The following UTRN variants were observed in gnomAD, a reference collection of about 807,000 sequenced individuals.
UTRN encodes the protein utrophin, also known as dystrophin-related protein 1.
Under a neutral mutation model 463.9 loss-of-function variants are expected in UTRN, and 283 were observed. That is an observed-to-expected ratio of 0.61 (90% CI 0.55 to 0.67). UTRN has a LOEUF of 0.67. UTRN is among the 30% of genes least tolerant of loss of function. The pLI, the probability that UTRN is intolerant of heterozygous loss-of-function variation, is 0.00. For missense variants in UTRN, 3,922 were observed against 4,084.3 expected, an observed-to-expected ratio of 0.96 and a Z score of 1.08; for synonymous variants, 1,442 against 1,431.5, an observed-to-expected ratio of 1.01 and a Z score of -0.17.
At chr6:144,363,194 G>C (rs1350275598) in intron 2 of UTRN, among the ~76,000 whole-genome samples, 2 of 152,158 alleles carry the variant, frequency 1.3e-5, no homozygotes, top group African/African-American at 4.8e-5. Context: ...TTACAGAACT[G>C]TATTATTTGC....
At position 144,782,029 on chromosome 6, in the gene UTRN, A is replaced by T. The variant is rs1406060805; in HGVS notation, c.8740A>T (p.Thr2914Ser). The part of the protein sequence containing the change: ...VPDVINCLTT[T>S]YDGLEQMHKD... The stretch of plus-strand genomic sequence containing the variant: ...AGATGTCATCAACTGTCTGACAACA[A>T]CTTATGATGGACTTGAGCAAATGCA... Residue 2914 changes from threonine to serine, a missense_variant, in exon 61 of 75, where the codon ACT becomes TCT. This residue lies in a region of UTRN where 1,309 missense variants were observed against 1,452.6 expected (regional missense o/e 0.90). Coordinates refer to ENST00000367545, the MANE Select transcript of UTRN (RefSeq NM_007124.3). 2.5e-6 allele frequency: 4 copies of T among 1,614,070 alleles called. No individual in the cohort carries two copies. Among genetic ancestry groups the T allele is most frequent in the Non-Finnish European group, 1.7e-6 (2 of 1,179,976 alleles).
intron 57 of UTRN, among the ~76,000 whole-genome samples, chr6:144,757,236 TAAA>T (rs375711274): frequency 6.1e-5 from 7 of 115,534 alleles, no homozygotes; most frequent in Admixed American, 8.9e-5. Flanking sequence ...ACTAGAATTG[TAAA>T]AAAAAAAAAA....
chr6:144,782,217 C>T, intron 61 of UTRN, 94 bp downstream of exon 61: 1 of 1,076,674 alleles, frequency 9.3e-7, no homozygotes, highest in Non-Finnish European at 1.3e-6. Flanking sequence ...TTAATAAGTG[C>T]TTTCAAATTA....
intron 52 of UTRN, among the ~76,000 whole-genome samples, chr6:144,683,945 GA>G (rs1487124834): frequency 2.0e-5 from 3 of 151,900 alleles, no homozygotes; most frequent in Non-Finnish European, 4.4e-5. Flanking sequence ...CCTTAGAAGT[GA>G]ATGCATCCAT....
chr6:144,613,525 C>T (rs1263671186), intron 51 of UTRN, among the ~76,000 whole-genome samples: 2 of 151,978 alleles, frequency 1.3e-5, no homozygotes, highest in Non-Finnish European at 1.5e-5. Context: ...AAAACAAAAA[C>T]ACTAAATGCA....
At chr6:144,491,299 A>C (rs952361378) in intron 32 of UTRN, among the ~76,000 whole-genome samples, 197 bp downstream of exon 32, 3 of 152,052 alleles carry the variant, frequency 2.0e-5, no homozygotes, top group African/African-American at 7.3e-5. Flanking sequence ...GATAAGAGAG[A>C]TAGCTAAGGA....
At chr6:144,575,930 T>C (rs1210316819) in intron 50 of UTRN, among the ~76,000 whole-genome samples, 1 of 152,176 alleles carries the variant, frequency 6.6e-6, no homozygotes, top group Admixed American at 6.5e-5. Context: ...CACCATGCAA[T>C]CCTAGGCAAC....
At chr6:144,530,957 G>A in intron 41 of UTRN, 95 bp from the exon 42 acceptor site, 2 of 1,384,304 alleles carry the variant, frequency 1.4e-6, no homozygotes, top group Admixed American at 2.5e-5. Context: ...AGGTCTTTCT[G>A]TTTAAATGAA....
chr6:144,389,685 G>A (rs564074430), intron 2 of UTRN, among the ~76,000 whole-genome samples: 1 of 151,706 alleles, frequency 6.6e-6, no homozygotes, highest in Non-Finnish European at 1.5e-5. Flanking sequence ...TGCAACCTCT[G>A]TCTCCCAGGT....
intron 51 of UTRN, among the ~76,000 whole-genome samples, chr6:144,615,867 CT>C (rs1806027908): frequency 1.3e-5 from 2 of 152,128 alleles, no homozygotes; most frequent in Admixed American, 1.3e-4. Context: ...TCCCATTACA[CT>C]TATAATAAAA....
intron 19 of UTRN, among the ~76,000 whole-genome samples, chr6:144,457,636 T>C (rs1788994066): frequency 6.6e-6 from 1 of 152,166 alleles, no homozygotes; most frequent in African/African-American, 2.4e-5. Flanking sequence ...TGAGAGATGG[T>C]GGTGAACAGT....
At chr6:144,505,776 G>T (rs1281864341) in intron 34 of UTRN, among the ~76,000 whole-genome samples, 1 of 152,154 alleles carries the variant, frequency 6.6e-6, no homozygotes, top group African/African-American at 2.4e-5. Flanking sequence ...GGTCCACTTG[G>T]TCCAGAGCTG....
At chr6:144,452,152 T>G (rs1788388811) in intron 18 of UTRN, among the ~76,000 whole-genome samples, 1 of 152,228 alleles carries the variant, frequency 6.6e-6, no homozygotes. Flanking sequence ...AATTGCCTTT[T>G]TCTCCAGTTC....
chr6:144,681,218 G>A (rs1309929610), intron 52 of UTRN, among the ~76,000 whole-genome samples: 3 of 152,166 alleles, frequency 2.0e-5, no homozygotes, highest in Non-Finnish European at 4.4e-5. Flanking sequence ...CTTCAAAAGA[G>A]AGCAGTAGGT....
At chr6:144,435,829 C>A (rs1314059482) in intron 9 of UTRN, 106 bp from the exon 10 acceptor site, 2 of 1,260,412 alleles carry the variant, frequency 1.6e-6, no homozygotes, top group Non-Finnish European at 2.2e-6. Flanking sequence ...GGATTAGTGC[C>A]TAAGACAGAG....
intron 9 of UTRN, among the ~76,000 whole-genome samples, chr6:144,430,432 T>C (rs1237184839): frequency 6.6e-6 from 1 of 152,174 alleles, no homozygotes; most frequent in African/African-American, 2.4e-5. Context: ...AATTGGACCT[T>C]AGAAGTCACT....
intron 2 of UTRN, among the ~76,000 whole-genome samples, chr6:144,371,025 TA>T (rs1779935454): frequency 6.6e-6 from 1 of 152,162 alleles, no homozygotes; most frequent in East Asian, 1.9e-4. Context: ...ACTCCCCACC[TA>T]GCACTGTCCC....
intron 10 of UTRN, 43 bp from the exon 11 acceptor site, chr6:144,437,522 T>C (rs747704536): frequency 6.6e-7 from 1 of 1,506,860 alleles, no homozygotes; most frequent in Admixed American, 2.3e-5. Flanking sequence ...TTTTTTTTTT[T>C]TGCACTGAGT....
At chr6:144,819,522 C>T (rs1779374064) in intron 65 of UTRN, among the ~76,000 whole-genome samples, 1 of 151,830 alleles carries the variant, frequency 6.6e-6, no homozygotes, top group South Asian at 2.1e-4. Flanking sequence ...TGGTGAAACC[C>T]CGTCTACTAA....
Sources: allele counts gnomAD v4.1 joint callset (sites outside exome capture counted in the v4.1 genomes callset), GRCh38; gene constraint gnomAD v4.1.1; regional missense constraint gnomAD v4.1.1; transcripts MANE v1.5; gene names NCBI Gene and HGNC (gene_info 2026-07-23, HGNC 2026-07-21).